The following ZNF236 variants were observed in gnomAD, a reference collection of about 807,000 sequenced individuals.
ZNF236 encodes zinc finger protein 236, also known as regulated by glucose.
Under a neutral mutation model 191.2 loss-of-function variants are expected in ZNF236, and 50 were observed. The ratio of observed to expected loss-of-function variants is 0.26; its 90% confidence interval spans 0.21 to 0.33. ZNF236 has a LOEUF of 0.33. Among genes scored for constraint, ZNF236 ranks in the 10% least tolerant of loss-of-function variants. The pLI, the probability that ZNF236 is intolerant of heterozygous loss-of-function variation, is 1.00. For missense variants in ZNF236, 1,754 were observed against 2,374.5 expected, an observed-to-expected ratio of 0.74 and a Z score of 5.43; for synonymous variants, 907 against 928.8, an observed-to-expected ratio of 0.98 and a Z score of 0.43.
chr18:76,826,814 A>AG (rs1047616729), intron 1 of ZNF236, among the ~76,000 whole-genome samples: 1 of 151,456 alleles, frequency 6.6e-6, no homozygotes, highest in African/African-American at 2.4e-5. Context: ...AAAAAAAAAA[A>AG]GCATGCATTT....
At chr18:76,924,642 T>C (rs1372235494) in intron 21 of ZNF236, among the ~76,000 whole-genome samples, 1 of 152,152 alleles carries the variant, frequency 6.6e-6, no homozygotes, top group African/African-American at 2.4e-5. Context: ...TACCCAGTAA[T>C]CATGAAAAGA....
chr18:76,948,633 G>C (rs757420886), intron 27 of ZNF236, among the ~76,000 whole-genome samples: 2 of 152,202 alleles, frequency 1.3e-5, no homozygotes, highest in Non-Finnish European at 2.9e-5. Context: ...CCCAGTGTCT[G>C]CTCCAGTGAG....
In ZNF236 at chr18:76,969,311, A is replaced by G. The variant is rs1349203413; in HGVS notation, c.*972A>G. 1 of 152,646 alleles carries G rather than the reference A, an allele frequency of 6.6e-6. No individual in the cohort carries two copies. The highest frequency in any genetic ancestry group is 1.5e-5 in the Non-Finnish European group (1 of 68,040). 9.5% of individuals were successfully genotyped at this position (152,646 alleles called of 1,614,324 possible). A position where few individuals can be genotyped will look rare whatever the true frequency, so the allele number is the denominator to read the frequency against. On this transcript the variant is annotated 3_prime_UTR_variant, in exon 31 of 31. Transcript: ENST00000320610. ...ATGGTGCCACATAAAACATGTCCCAAACCAAATCCCACCCGTGCTGGGCAG... is the reference window on the plus strand; with the variant it reads ...ATGGTGCCACATAAAACATGTCCCAGACCAAATCCCACCCGTGCTGGGCAG...
At chr18:76,945,184 C>A (rs1428603255) in intron 26 of ZNF236, among the ~76,000 whole-genome samples, 1 of 152,182 alleles carries the variant, frequency 6.6e-6, no homozygotes, top group Non-Finnish European at 1.5e-5. Flanking sequence ...TATACCTATA[C>A]AAGCTAAGAC....
chr18:76,905,542 CAAGAAAAA>C lies in ZNF236; in HGVS notation c.2297+130_2297+137del, dbSNP rs1256433109. 1.1e-5 allele frequency: 9 copies of C among 817,804 alleles called. No individual in the cohort carries two copies. In the African/African-American group the frequency reaches 1.5e-4, roughly 13 times the overall value. The allele number at this position is 817,804 out of a possible 1,614,324, so 50.7% of individuals were successfully genotyped here. A position where few individuals can be genotyped will look rare whatever the true frequency, so the allele number is the denominator to read the frequency against. On this transcript the variant is annotated intron_variant, in intron 13 of 30. Coordinates refer to ENST00000320610, the MANE Select transcript of ZNF236 (RefSeq NM_001306089.2). ...ATTTCTAGCTCATACTATATGGGCT[CAAGAAAAA>C]AAAAAAAAAAAAAAAAAAAAGAAAT... is the stretch of plus-strand genomic sequence containing the variant.
intron 1 of ZNF236, 74 bp from the exon 2 acceptor site, chr18:76,849,452 C>A: frequency 7.8e-7 from 1 of 1,289,254 alleles, no homozygotes; most frequent in Non-Finnish European, 1.0e-6. Context: ...TAAACAATAA[C>A]CAATAATTTG....
chr18:76,904,780 A>C (rs1289256939), intron 12 of ZNF236, among the ~76,000 whole-genome samples: 1 of 152,212 alleles, frequency 6.6e-6, no homozygotes, highest in Non-Finnish European at 1.5e-5. Flanking sequence ...AATGTCAAAG[A>C]AGTTTATTTT....
chr18:76,928,731 T>C (rs1967773460), intron 25 of ZNF236, among the ~76,000 whole-genome samples: 1 of 152,118 alleles, frequency 6.6e-6, no homozygotes, highest in Middle Eastern at 3.2e-3. Flanking sequence ...GTATCATTAA[T>C]TCCCATAGTG....
intron 5 of ZNF236, among the ~76,000 whole-genome samples, chr18:76,874,461 A>G (rs917303839): frequency 3.3e-5 from 5 of 152,044 alleles, no homozygotes; most frequent in Admixed American, 6.6e-5. Context: ...TAGTGTGCAC[A>G]GGGCCCTGTT....
intron 25 of ZNF236, among the ~76,000 whole-genome samples, chr18:76,933,029 G>T (rs944198824): frequency 2.6e-5 from 4 of 152,200 alleles, no homozygotes; most frequent in African/African-American, 9.6e-5. Context: ...TCAGGTGAGG[G>T]TCCTTTCAGG....
intron 26 of ZNF236, among the ~76,000 whole-genome samples, chr18:76,938,687 C>G (rs1599411830): frequency 6.6e-6 from 1 of 152,222 alleles, no homozygotes; most frequent in African/African-American, 2.4e-5. Flanking sequence ...CACCGAGGCC[C>G]CCTGCACAGC....
chr18:76,873,784 T>TCCTG (rs1976641684), intron 5 of ZNF236, among the ~76,000 whole-genome samples: 1 of 152,078 alleles, frequency 6.6e-6, no homozygotes, highest in Non-Finnish European at 1.5e-5. Context: ...TCGCCGTGCC[T>TCCTG]CCTGCCTGCC....
At chr18:76,901,996 A>C (rs1366690936) in intron 11 of ZNF236, among the ~76,000 whole-genome samples, 1 of 152,100 alleles carries the variant, frequency 6.6e-6, no homozygotes, top group Non-Finnish European at 1.5e-5. Flanking sequence ...CTGGACTTCA[A>C]GTTTTTGAAT....
At chr18:76,963,447 T>A (rs1396778244) in intron 30 of ZNF236, among the ~76,000 whole-genome samples, 1 of 152,166 alleles carries the variant, frequency 6.6e-6, no homozygotes, top group African/African-American at 2.4e-5. Context: ...TGGTGGAGTA[T>A]CTTTTTGATA....
chr18:76,928,362 C>G (rs1967762775), intron 25 of ZNF236, among the ~76,000 whole-genome samples: 1 of 152,176 alleles, frequency 6.6e-6, no homozygotes, highest in South Asian at 2.1e-4. Context: ...CATTCATTGA[C>G]TCATTTTTAG....
chr18:76,895,381 G>A lies in ZNF236; in HGVS notation c.1690+96G>A. The A allele has an allele frequency of 2.0e-6, 3 of 1,490,648 alleles. 1 individual carries two copies. Among genetic ancestry groups the A allele is most frequent in the South Asian group, 2.5e-5 (2 of 80,680 alleles). 92.3% of individuals were successfully genotyped at this position (1,490,648 alleles called of 1,614,324 possible). On this transcript the variant is annotated intron_variant, in intron 10 of 30. Transcript: ENST00000320610. ...CAAACACAGGTATGGCACACAGTAG[G>A]CACACAGGTACTGCACACAAGTACT...
At chr18:76,937,128 TG>T in intron 25 of ZNF236, 27 bp from the exon 26 acceptor site, 1 of 1,603,360 alleles carries the variant, frequency 6.2e-7, no homozygotes, top group Non-Finnish European at 8.5e-7. Context: ...GCCTTCCCAT[TG>T]ATCTACTTAC....
At position 76,880,429 on chromosome 18, in the gene ZNF236, GAA is replaced by G; in HGVS notation, c.1188+117_1188+118del. ...CTTGTCAAAGTCAGGGTATCCTCATGAAAAATGTGCCTGAACCGAAAGAAATT... is the reference window on the plus strand; with the variant it reads ...CTTGTCAAAGTCAGGGTATCCTCATGAAATGTGCCTGAACCGAAAGAAATT... On this transcript the variant is annotated intron_variant, in intron 8 of 30. Coordinates refer to ENST00000320610, the MANE Select transcript of ZNF236 (RefSeq NM_001306089.2). This position sits in a 1 kb window ranked among gnomAD's most constrained non-coding sequence, Gnocchi z 5.0. The G allele has an allele frequency of 8.7e-7, 1 of 1,144,098 alleles. No homozygotes were observed. Among genetic ancestry groups the G allele is most frequent in the Non-Finnish European group, 1.2e-6 (1 of 835,056 alleles). The allele number at this position is 1,144,098 out of a possible 1,614,324, so 70.9% of individuals were successfully genotyped here.
At chr18:76,873,432 A>G (rs998818128) in intron 5 of ZNF236, among the ~76,000 whole-genome samples, 2 of 152,182 alleles carry the variant, frequency 1.3e-5, no homozygotes, top group East Asian at 1.9e-4. Flanking sequence ...ACTTGCTCCA[A>G]TTGGCTTGTG....
Sources: allele counts gnomAD v4.1 joint callset (sites outside exome capture counted in the v4.1 genomes callset), GRCh38; gene constraint gnomAD v4.1.1; non-coding constraint Gnocchi (gnomAD v3.1); transcripts MANE v1.5; gene names NCBI Gene and HGNC (gene_info 2026-07-23, HGNC 2026-07-21).